CRYL1: variants seen among roughly 807,000 people sequenced by gnomAD.
The protein encoded by CRYL1 is crystallin lambda 1, also known as lambda-crystallin homolog.
Under a neutral mutation model 36.6 loss-of-function variants are expected in CRYL1, and 29 were observed. That is an observed-to-expected ratio of 0.79 (90% CI 0.59 to 1.08). The LOEUF (loss-of-function observed/expected upper bound fraction) is 1.08, where lower values mean the gene tolerates loss of function less well. Ranked by LOEUF, CRYL1 falls within the 50% of genes least tolerant of loss-of-function variation. CRYL1 has a pLI of 0.00. For synonymous variants in CRYL1, 152 were observed against 151.5 expected, an observed-to-expected ratio of 1.00 and a Z score of -0.02; for missense variants, 411 against 407.9, an observed-to-expected ratio of 1.01 and a Z score of -0.06.
At chr13:20,485,398 C>T (rs1233584641) in intron 3 of CRYL1, among the ~76,000 whole-genome samples, 1 of 152,144 alleles carries the variant, frequency 6.6e-6, no homozygotes, top group African/African-American at 2.4e-5. Flanking sequence ...CGCAATGGTT[C>T]ATGCCTGTAA....
chr13:20,482,112 A>G (rs1353367578), intron 3 of CRYL1, among the ~76,000 whole-genome samples: 1 of 152,174 alleles, frequency 6.6e-6, no homozygotes, highest in East Asian at 1.9e-4. Context: ...CTTTAAGAAA[A>G]CAAATAAATT....
chr13:20,437,411 C>T (rs1477005108), intron 4 of CRYL1, among the ~76,000 whole-genome samples: 3 of 151,776 alleles, frequency 2.0e-5, no homozygotes, highest in Non-Finnish European at 4.4e-5. Flanking sequence ...GGGTTCACAC[C>T]ATTCTCCTGC....
intron 3 of CRYL1, among the ~76,000 whole-genome samples, chr13:20,442,839 C>T (rs1218748123): frequency 6.6e-6 from 1 of 152,210 alleles, no homozygotes; most frequent in Non-Finnish European, 1.5e-5. Context: ...ATAATATTCT[C>T]ATGCACAACC....
chr13:20,506,784 G>T (rs1428150747), intron 2 of CRYL1, among the ~76,000 whole-genome samples: 1 of 152,152 alleles, frequency 6.6e-6, no homozygotes, highest in Non-Finnish European at 1.5e-5. Context: ...TGGTAGCAGC[G>T]AGCAAACTAC....
At chr13:20,426,965 C>T (rs1399887892) in intron 5 of CRYL1, 6 of 985,682 alleles carry the variant, frequency 6.1e-6, no homozygotes, top group East Asian at 1.1e-4. Flanking sequence ...CAGCAATTTC[C>T]GAAGCTCATC....
chr13:20,439,684 C>T lies in CRYL1; in HGVS notation c.347G>A (p.Arg116Gln), dbSNP rs772073638. 6.2e-6 allele frequency: 10 copies of T among 1,614,012 alleles called. No individual in the cohort carries two copies. In the East Asian group the frequency reaches 6.7e-5, roughly 11 times the overall value. ...FAQLDSIIDD[R>Q]VILSSSTSCL... ...AGAAGTGGAACTGCTTAAGATCACT[C>T]GATCATCAATGATGGAATCTAACTG... The change falls in exon 4 of 8, where the codon CGA (arginine) becomes CAA (glutamine). Residue 116 changes from arginine to glutamine, a missense_variant. Arg to Gln is a conservative substitution (Grantham distance 43, BLOSUM62 1). Transcript: ENST00000298248.
At chr13:20,426,891 G>A (rs1259374192) in intron 5 of CRYL1, 1 of 985,520 alleles carries the variant, frequency 1.0e-6, no homozygotes. Context: ...TGCGGCCCAG[G>A]CCCTAAGGAC....
intron 3 of CRYL1, among the ~76,000 whole-genome samples, chr13:20,451,148 A>C (rs1056550818): frequency 8.5e-5 from 13 of 152,234 alleles, no homozygotes; most frequent in African/African-American, 2.9e-4. Context: ...AACATGGCAC[A>C]TGTATACATA....
rs374113172 is a variant in CRYL1, at chr13:20,472,270, A to C, written c.276+17100T>G. The stretch of plus-strand genomic sequence containing the variant: ...GACCTATAATACCTTATACAGTGTA[A>C]ATGCTATGTATATAGTTGTTATACT... On this transcript the variant is annotated intron_variant, in intron 3 of 7. Transcript: ENST00000298248. 8.5e-5 allele frequency among the ~76,000 whole-genome samples: 13 copies of C among 152,282 alleles called. No homozygotes were observed. The East Asian group carries it at 2.1e-3, about 25-fold the overall frequency.
chr13:20,431,914 C>A, intron 5 of CRYL1, 188 bp downstream of exon 5: 3 of 1,526,192 alleles, frequency 2.0e-6, no homozygotes, highest in Non-Finnish European at 2.6e-6. Flanking sequence ...TGAATCGCTG[C>A]ATTTTATTTT....
At chr13:20,473,698 C>G (rs75203779) in intron 3 of CRYL1, among the ~76,000 whole-genome samples, 1 of 152,206 alleles carries the variant, frequency 6.6e-6, no homozygotes, top group Non-Finnish European at 1.5e-5. Context: ...TAGGTACTTG[C>G]AACACAGGTG....
At chr13:20,468,178 C>T (rs1050938830) in intron 3 of CRYL1, among the ~76,000 whole-genome samples, 1 of 152,202 alleles carries the variant, frequency 6.6e-6, no homozygotes, top group Admixed American at 6.5e-5. Context: ...TATTCTGGGT[C>T]TTTCTGTAAT....
At chr13:20,462,271 G>T (rs1293704287) in intron 3 of CRYL1, among the ~76,000 whole-genome samples, 1 of 151,734 alleles carries the variant, frequency 6.6e-6, no homozygotes, top group Non-Finnish European at 1.5e-5. Context: ...AGGCCCTGGG[G>T]GCGCCCAGGG....
At chr13:20,426,041 T>G (rs1260776536) in intron 5 of CRYL1, among the ~76,000 whole-genome samples, 1 of 151,974 alleles carries the variant, frequency 6.6e-6, no homozygotes, top group Non-Finnish European at 1.5e-5. Flanking sequence ...TCATCACAAT[T>G]TGCATCCCTG....
At chr13:20,453,808 C>T (rs188646661) in intron 3 of CRYL1, among the ~76,000 whole-genome samples, 5 of 151,900 alleles carry the variant, frequency 3.3e-5, no homozygotes, top group South Asian at 2.1e-4. Flanking sequence ...ATATGAAGAA[C>T]GAAAGAGGGG....
In CRYL1 at chr13:20,489,433, C is replaced by T; in HGVS notation, c.213G>A (p.Gln71=). The T allele has an allele frequency of 6.2e-7, 1 of 1,613,690 alleles. No individual in the cohort carries two copies. Among genetic ancestry groups the T allele is most frequent in the Non-Finnish European group, 8.5e-7 (1 of 1,179,996 alleles). ...TGGGACAACCACTGATGAGTGACAG[C>T]TGCTCTTCCACACTCAGGGAGCCTT... The part of the protein sequence containing the change: ...SLKGSLSVEE[Q]LSLISGCPNI... The change falls in exon 3 of 8, where the codon CAG becomes CAA. Residue 71 remains glutamine, a synonymous_variant. Coordinates refer to ENST00000298248, the MANE Select transcript of CRYL1 (RefSeq NM_015974.3).
chr13:20,491,010 A>G lies in CRYL1; in HGVS notation c.150-1514T>C, dbSNP rs767878007. Among the ~76,000 whole-genome samples, 98 of 152,088 alleles carry G rather than the reference A, an allele frequency of 6.4e-4. 1 individual carries two copies. The highest frequency in any genetic ancestry group is 5.0e-3 in the Admixed American group (77 of 15,278). Reference sequence around the variant, plus strand: ...AGCCTCGACCTCCCAGGATCAAGTGATCTCCCACCTCAGCCTCCCAAGTAG... The same window carrying G: ...AGCCTCGACCTCCCAGGATCAAGTGGTCTCCCACCTCAGCCTCCCAAGTAG... On this transcript the variant is annotated intron_variant, in intron 2 of 7. Coordinates refer to ENST00000298248, the MANE Select transcript of CRYL1 (RefSeq NM_015974.3).
rs1282081880 is a variant in CRYL1, at chr13:20,470,927, C to CA, written c.276+18442dup. Among the ~76,000 whole-genome samples the CA allele has an allele frequency of 8.4e-3, 958 of 113,768 alleles. 6 individuals are homozygous for CA. Among genetic ancestry groups the CA allele is most frequent in the East Asian group, 0.02 (79 of 4,032 alleles). 74.6% of individuals were successfully genotyped at this position (113,768 alleles called of 152,430 possible). On this transcript the variant is annotated intron_variant, in intron 3 of 7. Transcript: ENST00000298248. ...CTCCATCTCAAAAAAAAAAAAAAAA[C>CA]AAAAAAAAAAACCCATGACACACAT...
At chr13:20,471,957 A>G (rs11618786) in intron 3 of CRYL1, among the ~76,000 whole-genome samples, 21,313 of 151,852 alleles carry the variant, frequency 0.14, 1,969 homozygotes, top group Non-Finnish European at 0.19. Context: ...GCCTCCCAGG[A>G]TCAAGCAATT....
Sources: gnomAD v4.1 joint callset for allele counts (sites outside exome capture counted in the v4.1 genomes callset) on GRCh38, gnomAD v4.1.1 for gene constraint, MANE v1.5 for transcripts, NCBI Gene and HGNC (gene_info 2026-07-23, HGNC 2026-07-21) for gene names.